The following GTF2A2 variants were observed in gnomAD, a reference collection of about 807,000 sequenced individuals.
GTF2A2 encodes general transcription factor IIA subunit 2, also known as transcription initiation factor IIA subunit 2.
In GTF2A2, 9 loss-of-function variants were observed where a neutral mutation model predicts 14.3. The observed-to-expected ratio is 0.63, with a 90% CI of 0.38 to 1.10. The LOEUF is 1.10. Among genes scored for constraint, GTF2A2 ranks in the 50% least tolerant of loss-of-function variants. The pLI is 0.01. For synonymous variants in GTF2A2, 56 were observed against 46.0 expected (o/e 1.22, Z -0.88); for missense variants, 90 against 124.6 (o/e 0.72, Z 1.32).
intron 4 of GTF2A2, among the ~76,000 whole-genome samples, chr15:59,639,794 A>C (rs1281739575): frequency 4.0e-5 from 6 of 151,676 alleles, no homozygotes; most frequent in African/African-American, 1.5e-4. Context: ...TGTGTTGCCC[A>C]GGCTGGAGTG....
At chr15:59,650,846 T>G in intron 2 of GTF2A2, 73 bp from the exon 3 acceptor site, 1 of 817,866 alleles carries the variant, frequency 1.2e-6, no homozygotes, top group Non-Finnish European at 2.0e-6. Context: ...AATATACAAA[T>G]TATCATCTAA....
Position 59,639,034 on chromosome 15 carries a change from T to C in GTF2A2, c.*98A>G. 1.3e-6 allele frequency: 1 copy of C among 765,124 alleles called. No homozygotes were observed. 47.4% of individuals were successfully genotyped at this position (765,124 alleles called of 1,614,324 possible). A position where few individuals can be genotyped will look rare whatever the true frequency, so the allele number is the denominator to read the frequency against. On this transcript the variant is annotated 3_prime_UTR_variant, in exon 5 of 5. Transcript: ENST00000396060. ...TCTCTGGTATAGCACAGTGTAGTCA[T>C]TTCTGCAATTCTAGAATAAATAAAA...
intron 3 of GTF2A2, among the ~76,000 whole-genome samples, chr15:59,644,935 G>A (rs900171230): frequency 6.6e-6 from 1 of 151,884 alleles, no homozygotes; most frequent in Non-Finnish European, 1.5e-5. Context: ...GGGTTAGACA[G>A]GAGTATGACT....
chr15:59,650,794 T>C, intron 2 of GTF2A2, 21 bp from the exon 3 acceptor site: 1 of 1,224,520 alleles, frequency 8.2e-7, no homozygotes, highest in Non-Finnish European at 1.2e-6. Context: ...GTAAAGGTCA[T>C]AAATCCCGTT....
chr15:59,638,935 G>GTTATGGTTT lies in GTF2A2; in HGVS notation c.*188_*196dup, dbSNP rs1891279831. On this transcript the variant is annotated 3_prime_UTR_variant, in exon 5 of 5. Coordinates refer to ENST00000396060, the MANE Select transcript of GTF2A2 (RefSeq NM_004492.3). ...CAACAACTTTTGTCCTTAAAAAAAA[G>GTTATGGTTT]TTATGGTTTTTCATGCTGTATAATA... 3 of 491,274 alleles carry GTTATGGTTT rather than the reference G, an allele frequency of 6.1e-6. No homozygotes were observed. The Admixed American group carries it at 1.1e-4, about 19-fold the overall frequency. 30.4% of individuals were successfully genotyped at this position (491,274 alleles called of 1,614,324 possible). A position where few individuals can be genotyped will look rare whatever the true frequency, so the allele number is the denominator to read the frequency against.
chr15:59,654,629 G>A (rs186467234), intron 1 of GTF2A2, among the ~76,000 whole-genome samples: 1 of 152,170 alleles, frequency 6.6e-6, no homozygotes, highest in Non-Finnish European at 1.5e-5. Context: ...AACGTATGTA[G>A]TATCTATTAA....
chr15:59,647,014 C>T (rs575859602), intron 3 of GTF2A2, among the ~76,000 whole-genome samples: 3 of 150,506 alleles, frequency 2.0e-5, no homozygotes, highest in African/African-American at 7.3e-5. Context: ...TATACATATA[C>T]TCTATAATTA....
chr15:59,643,757 CCTGT>C (rs148774424), intron 3 of GTF2A2, among the ~76,000 whole-genome samples: 11,448 of 135,554 alleles, frequency 0.084, 670 homozygotes, highest in East Asian at 0.26. Context: ...GGCCACCATG[CCTGT>C]CTAATTTTTA....
chr15:59,647,858 C>G (rs536209227), intron 3 of GTF2A2, among the ~76,000 whole-genome samples: 64 of 152,262 alleles, frequency 4.2e-4, no homozygotes, highest in South Asian at 1.9e-3. Flanking sequence ...GCATGAGCCA[C>G]TGTACCCAGC....
At chr15:59,645,632 TCTC>T (rs1321418506) in intron 3 of GTF2A2, among the ~76,000 whole-genome samples, 2 of 152,228 alleles carry the variant, frequency 1.3e-5, no homozygotes, top group South Asian at 2.1e-4. Context: ...AAAAATTAGA[TCTC>T]CTCGTTTGCT....
intron 3 of GTF2A2, among the ~76,000 whole-genome samples, chr15:59,647,263 G>C (rs1367429723): frequency 6.6e-6 from 1 of 151,726 alleles, no homozygotes; most frequent in African/African-American, 2.4e-5. Flanking sequence ...CAGCTACTTT[G>C]TTTGTTTTGT....
chr15:59,648,384 G>A (rs1239428288), intron 3 of GTF2A2, among the ~76,000 whole-genome samples: 2 of 118,072 alleles, frequency 1.7e-5, no homozygotes, highest in African/African-American at 6.7e-5. Context: ...TTCCAGCCTG[G>A]GTAACAGACT....
intron 3 of GTF2A2, among the ~76,000 whole-genome samples, chr15:59,649,637 C>T (rs963303942): frequency 3.3e-5 from 5 of 152,186 alleles, no homozygotes; most frequent in Non-Finnish European, 5.9e-5. Flanking sequence ...GCATATTTTA[C>T]TCCAGATAAT....
chr15:59,642,119 A>G lies in GTF2A2; in HGVS notation c.304+17T>C. On this transcript the variant is annotated intron_variant, in intron 4 of 4. Coordinates refer to ENST00000396060, the MANE Select transcript of GTF2A2 (RefSeq NM_004492.3). ...AAGGTTTCAAGTAGCTTTCACAGAA[A>G]TAAGGCAAGCACTTACTTTTACCAT... 1 of 1,592,624 alleles carries G rather than the reference A, an allele frequency of 6.3e-7. No homozygotes were observed.
At chr15:59,656,891 T>C (rs1253122891) in intron 1 of GTF2A2, 1 of 152,252 alleles carries the variant, frequency 6.6e-6, no homozygotes, top group African/African-American at 2.4e-5. Flanking sequence ...TGTTCCCTTC[T>C]TGTTTTGCAG....
rs1375617450 is a variant in GTF2A2, at chr15:59,638,092, T to C, written c.*1040A>G. The C allele has an allele frequency of 5.3e-5, 8 of 152,148 alleles. No individual in the cohort carries two copies. The highest frequency in any genetic ancestry group is 1.9e-4 in the African/African-American group (8 of 41,426). The allele number at this position is 152,148 out of a possible 1,614,324, so 9.4% of individuals were successfully genotyped here. On this transcript the variant is annotated 3_prime_UTR_variant, in exon 5 of 5. Coordinates refer to ENST00000396060, the MANE Select transcript of GTF2A2 (RefSeq NM_004492.3). ...AGATGAAACAATTTTATTTTCTTTG[T>C]AGGGACAGTCTATATTGGCCAGGCT...
chr15:59,645,243 C>T (rs1453838635), intron 3 of GTF2A2, among the ~76,000 whole-genome samples: 2 of 152,012 alleles, frequency 1.3e-5, no homozygotes, highest in African/African-American at 4.8e-5. Context: ...TCATGATGTC[C>T]AATAAGTAAT....
intron 3 of GTF2A2, among the ~76,000 whole-genome samples, chr15:59,648,564 T>C (rs1891688429): frequency 2.0e-5 from 3 of 152,222 alleles, no homozygotes; most frequent in Non-Finnish European, 2.9e-5. Flanking sequence ...AAACCTTAGC[T>C]CTCATACTTA....
chr15:59,651,038 A>C (rs560138916), intron 2 of GTF2A2: 80 of 279,908 alleles, frequency 2.9e-4, no homozygotes, highest in African/African-American at 1.5e-3. Flanking sequence ...TTTCCCTTAC[A>C]GTGGCTGGAA....
Sources: allele counts gnomAD v4.1 joint callset (sites outside exome capture counted in the v4.1 genomes callset), GRCh38; gene constraint gnomAD v4.1.1; transcripts MANE v1.5; gene names NCBI Gene and HGNC (gene_info 2026-07-23, HGNC 2026-07-21).